OSTM1: variants seen among roughly 807,000 people sequenced by gnomAD.
OSTM1 encodes the protein osteoclastogenesis associated transmembrane protein 1, also known as osteopetrosis-associated transmembrane protein 1.
A neutral mutation model predicts 35.4 loss-of-function variants in OSTM1; 26 were observed. That is an observed-to-expected ratio of 0.73 (90% CI 0.54 to 1.02). OSTM1 has a LOEUF of 1.02. Ranked by LOEUF, OSTM1 falls within the 50% of genes least tolerant of loss-of-function variation. The probability of loss-of-function intolerance (pLI) is 0.00; values close to 1 mark genes in which losing one functional copy is unlikely to be tolerated. For synonymous variants in OSTM1, 181 were observed against 165.0 expected (o/e 1.10, Z -0.75); for missense variants, 366 against 409.6 (o/e 0.89, Z 0.92).
chr6:108,066,006 A>T (rs918116171), intron 1 of OSTM1, among the ~76,000 whole-genome samples: 6 of 152,190 alleles, frequency 3.9e-5, no homozygotes, highest in Non-Finnish European at 8.8e-5. Context: ...TCGAAAATAG[A>T]AGAATTAAAT....
At position 108,056,909 on chromosome 6, in the gene OSTM1, G is replaced by C. The variant is rs543774751; in HGVS notation, c.518-2322C>G. 2.0e-5 allele frequency among the ~76,000 whole-genome samples: 3 copies of C among 152,298 alleles called. No individual in the cohort carries two copies. The South Asian group carries it at 6.2e-4, about 32-fold the overall frequency. Reference sequence around the variant, plus strand: ...ACTAAGCCACAGAAATAGGTGATATGCTGATGATCATACCACAAGTTAATA... The same window carrying C: ...ACTAAGCCACAGAAATAGGTGATATCCTGATGATCATACCACAAGTTAATA... On this transcript the variant is annotated intron_variant, in intron 2 of 5. Coordinates refer to ENST00000193322, the MANE Select transcript of OSTM1 (RefSeq NM_014028.4).
Position 108,051,038 on chromosome 6 carries a change from T to C in OSTM1, c.776A>G (p.Glu259Gly). 6.2e-7 allele frequency: 1 copy of C among 1,611,942 alleles called. No individual in the cohort carries two copies. Among genetic ancestry groups the C allele is most frequent in the Non-Finnish European group, 8.5e-7 (1 of 1,178,176 alleles). Residue 259 changes from glutamate to glycine, a missense_variant, in exon 4 of 6, where the codon GAA becomes GGA. Physicochemically the swap from Glu to Gly is moderately conservative, Grantham distance 98. Around this residue, in one of 3 missense-constraint regions of OSTM1, gnomAD observed 125 missense variants for 151.7 expected, o/e 0.82. Transcript: ENST00000193322. ...CAGAAGCAAAGTACTTACTGCATCT[T>C]CCACATCAATGCATAAATGTGTTCC... ...EPGTHLCIDVEDAMNITRKLW... is the reference protein window; with the variant it reads ...EPGTHLCIDVGDAMNITRKLW...
intron 1 of OSTM1, among the ~76,000 whole-genome samples, chr6:108,071,633 A>G (rs758204477): frequency 3.0e-4 from 46 of 152,050 alleles, no homozygotes; most frequent in Non-Finnish European, 5.2e-4. Context: ...ATTATTATAC[A>G]TGATGGTTCA....
rs1771925139 is a variant in OSTM1 at position 108,044,214 on chromosome 6, C to A, written c.*571G>T. 1 of 152,540 alleles carries A rather than the reference C, an allele frequency of 6.6e-6. No homozygotes were observed. Among genetic ancestry groups the A allele is most frequent in the African/African-American group, 2.4e-5 (1 of 41,410 alleles). 9.4% of individuals were successfully genotyped at this position (152,540 alleles called of 1,614,324 possible). On this transcript the variant is annotated 3_prime_UTR_variant, in exon 6 of 6. Transcript: ENST00000193322. ...ACAAAGATAAATGTAATGTGGCTTA[C>A]TACTTTTAAAAATTGTCAGGGAGGT...
chr6:108,050,358 CTTTT>C (rs759901355), intron 4 of OSTM1, among the ~76,000 whole-genome samples: 4,104 of 104,700 alleles, frequency 0.039, 52 homozygotes, highest in East Asian at 0.069. Flanking sequence ...CCAGAAACGT[CTTTT>C]TTTTTTTTTT....
chr6:108,063,888 A>T (rs1772332766), intron 2 of OSTM1, among the ~76,000 whole-genome samples: 1 of 152,330 alleles, frequency 6.6e-6, no homozygotes, highest in South Asian at 2.1e-4. Flanking sequence ...TGAACTTCCA[A>T]GAGGCAAAGT....
rs1772340422 is a variant in OSTM1, at chr6:108,064,312, G to A, written c.403-13C>T. 7.3e-7 allele frequency: 1 copy of A among 1,373,814 alleles called. No homozygotes were observed. 85.1% of individuals were successfully genotyped at this position (1,373,814 alleles called of 1,614,324 possible). Reference sequence around the variant, plus strand: ...TCTCTGAAGTATTCTGTAACAAAAAGAAGACAGAAAAATACAATCTGAGTA... The same window carrying A: ...TCTCTGAAGTATTCTGTAACAAAAAAAAGACAGAAAAATACAATCTGAGTA... On this transcript the variant is annotated splice_polypyrimidine_tract_variant and intron_variant, in intron 1 of 5. Coordinates refer to ENST00000193322, the MANE Select transcript of OSTM1 (RefSeq NM_014028.4).
intron 1 of OSTM1, among the ~76,000 whole-genome samples, chr6:108,067,037 C>T (rs1202289195): frequency 1.3e-5 from 2 of 152,196 alleles, no homozygotes; most frequent in Non-Finnish European, 2.9e-5. Context: ...AAGTCAGGAG[C>T]TGCTGGCAAA....
At chr6:108,062,944 C>T (rs1772308213) in intron 2 of OSTM1, among the ~76,000 whole-genome samples, 1 of 151,656 alleles carries the variant, frequency 6.6e-6, no homozygotes, top group Admixed American at 6.6e-5. Flanking sequence ...TTACCTCCCA[C>T]TATGCTTCCT....
chr6:108,061,577 G>A (rs1490047250), intron 2 of OSTM1, among the ~76,000 whole-genome samples: 1 of 151,802 alleles, frequency 6.6e-6, no homozygotes, highest in Non-Finnish European at 1.5e-5. Context: ...CTAGGCTGGA[G>A]TGCAGTGGCA....
chr6:108,052,981 C>T (rs1772105621), intron 3 of OSTM1, among the ~76,000 whole-genome samples: 1 of 152,178 alleles, frequency 6.6e-6, no homozygotes, highest in South Asian at 2.1e-4. Context: ...TTCCAAGCAG[C>T]TTGTGTGAAC....
chr6:108,044,463 G>A lies in OSTM1; in HGVS notation c.*322C>T. On this transcript the variant is annotated 3_prime_UTR_variant, in exon 6 of 6. Coordinates refer to ENST00000193322, the MANE Select transcript of OSTM1 (RefSeq NM_014028.4). ...TTTTCTACTTGAGATATTTATGTTA[G>A]TAAGAAGATACCAGAAGTCTAGAAT... 5.4e-6 allele frequency: 1 copy of A among 186,870 alleles called. No homozygotes were observed. The highest frequency in any genetic ancestry group is 5.9e-5 in the Admixed American group (1 of 16,952). The allele number at this position is 186,870 out of a possible 1,614,324, so 11.6% of individuals were successfully genotyped here.
chr6:108,069,879 C>T (rs1205094245), intron 1 of OSTM1, among the ~76,000 whole-genome samples: 2 of 152,104 alleles, frequency 1.3e-5, no homozygotes, highest in Non-Finnish European at 2.9e-5. Flanking sequence ...ACATAAATAG[C>T]TTACTAGTTT....
intron 2 of OSTM1, 103 bp downstream of exon 2, chr6:108,064,082 A>G: frequency 1.4e-6 from 1 of 713,438 alleles, no homozygotes; most frequent in South Asian, 1.5e-5. Context: ...TTAGCAATAA[A>G]AAGTATTATC....
intron 2 of OSTM1, among the ~76,000 whole-genome samples, chr6:108,055,188 T>C (rs1383040534): frequency 6.6e-6 from 1 of 152,212 alleles, no homozygotes. Flanking sequence ...CCTACATAAA[T>C]GGTATTTCTC....
chr6:108,045,023 T>G (rs751761969), intron 5 of OSTM1, among the ~76,000 whole-genome samples, 183 bp from the exon 6 acceptor site: 11 of 152,298 alleles, frequency 7.2e-5, no homozygotes, highest in Admixed American at 2.6e-4. Flanking sequence ...AACACATAAC[T>G]TTGTTAGAAA....
chr6:108,063,576 A>G lies in OSTM1; in HGVS notation c.517+609T>C, dbSNP rs183112623. 2.3e-3 allele frequency among the ~76,000 whole-genome samples: 350 copies of G among 152,324 alleles called. 3 individuals carry two copies. The highest frequency in any genetic ancestry group is 3.4e-3 in the Non-Finnish European group (231 of 68,024). On this transcript the variant is annotated intron_variant, in intron 2 of 5. Transcript: ENST00000193322. ...TATTCAAAACATCATCTGAATTGGAAGTGATTTTAATTTTTCCAAAGAATA... is the reference window on the plus strand; with the variant it reads ...TATTCAAAACATCATCTGAATTGGAGGTGATTTTAATTTTTCCAAAGAATA...
chr6:108,070,616 G>A (rs931116829), intron 1 of OSTM1, among the ~76,000 whole-genome samples: 3 of 152,282 alleles, frequency 2.0e-5, no homozygotes, highest in Middle Eastern at 3.4e-3. Context: ...TAGGCTGGGC[G>A]TGGTGGCTCA....
intron 1 of OSTM1, among the ~76,000 whole-genome samples, 167 bp from the exon 2 acceptor site, chr6:108,064,466 G>A (rs1435805321): frequency 1.3e-5 from 2 of 152,100 alleles, no homozygotes; most frequent in Non-Finnish European, 2.9e-5. Flanking sequence ...AAAGTAATTA[G>A]CAGCTAACAT....
Sources: allele counts gnomAD v4.1 joint callset (sites outside exome capture counted in the v4.1 genomes callset), GRCh38; gene constraint gnomAD v4.1.1; regional missense constraint gnomAD v4.1.1; transcripts MANE v1.5; gene names NCBI Gene and HGNC (gene_info 2026-07-23, HGNC 2026-07-21).